Variants in KCNIP4 observed in about 807,000 individuals in gnomAD.
KCNIP4 encodes Kv channel-interacting protein 4.
A neutral mutation model predicts 34.0 loss-of-function variants in KCNIP4; 12 were observed. That is an observed-to-expected ratio of 0.35 (90% CI 0.23 to 0.57). KCNIP4 has a LOEUF of 0.57. Among genes scored for constraint, KCNIP4 ranks in the 20% least tolerant of loss-of-function variants. The pLI is 0.83. For synonymous variants in KCNIP4, 124 were observed against 102.2 expected (o/e 1.21, Z -1.29); for missense variants, 238 against 311.7 (o/e 0.76, Z 1.78).
At chr4:21,133,169 A>T (rs189043358) in intron 1 of KCNIP4, among the ~76,000 whole-genome samples, 87 of 152,350 alleles carry the variant, frequency 5.7e-4, no homozygotes, top group Admixed American at 9.1e-4. Flanking sequence ...GGATCACGTC[A>T]TTAAGACATT....
At chr4:21,117,071 G>A (rs752514567) in intron 1 of KCNIP4, among the ~76,000 whole-genome samples, 1 of 152,080 alleles carries the variant, frequency 6.6e-6, no homozygotes, top group Non-Finnish European at 1.5e-5. Context: ...AACCCCTTGA[G>A]GTAGTTGTTA....
At chr4:20,913,505 T>C (rs944678051) in intron 1 of KCNIP4, among the ~76,000 whole-genome samples, 2 of 152,218 alleles carry the variant, frequency 1.3e-5, no homozygotes, top group African/African-American at 4.8e-5. Context: ...ACCACTGGAT[T>C]GTATATTTTA....
intron 1 of KCNIP4, among the ~76,000 whole-genome samples, chr4:21,943,042 A>C (rs1382328069): frequency 1.3e-5 from 2 of 152,182 alleles, no homozygotes; most frequent in East Asian, 3.9e-4. Flanking sequence ...TACAAGTGTG[A>C]GCCACCATTC....
intron 1 of KCNIP4, among the ~76,000 whole-genome samples, chr4:21,545,563 A>T (rs34126804): frequency 0.36 from 54,038 of 151,524 alleles, 9,877 homozygotes; most frequent in South Asian, 0.52. Flanking sequence ...AGGCCCGGTG[A>T]GAGATATTCC....
At chr4:21,881,986 C>T (rs924507386) in intron 1 of KCNIP4, among the ~76,000 whole-genome samples, 4 of 152,130 alleles carry the variant, frequency 2.6e-5, no homozygotes, top group African/African-American at 9.7e-5. Context: ...TATTTCCACA[C>T]AAACTGGGAA....
At chr4:21,344,636 C>A (rs1438768871) in intron 1 of KCNIP4, among the ~76,000 whole-genome samples, 4 of 152,240 alleles carry the variant, frequency 2.6e-5, no homozygotes, top group Non-Finnish European at 5.9e-5. Flanking sequence ...TCCCAGCTGA[C>A]CTGGCATATT....
At chr4:21,874,204 G>T (rs915371346) in intron 1 of KCNIP4, among the ~76,000 whole-genome samples, 1 of 152,220 alleles carries the variant, frequency 6.6e-6, no homozygotes, top group Non-Finnish European at 1.5e-5. Context: ...TCTAAAGCAG[G>T]AATTATTTAT....
chr4:21,220,663 T>TTC (rs1757926318), intron 1 of KCNIP4, among the ~76,000 whole-genome samples: 1 of 152,114 alleles, frequency 6.6e-6, no homozygotes, highest in African/African-American at 2.4e-5. Context: ...AGGCTGAGCC[T>TTC]AGAATTCCCA....
At chr4:20,805,017 G>A (rs1384397777) in intron 3 of KCNIP4, among the ~76,000 whole-genome samples, 4 of 152,036 alleles carry the variant, frequency 2.6e-5, no homozygotes, top group Admixed American at 1.3e-4. Flanking sequence ...GAAGGGTTCT[G>A]ATTGGTCTGA....
intron 1 of KCNIP4, among the ~76,000 whole-genome samples, chr4:21,260,263 C>T (rs374566636): frequency 9.2e-5 from 14 of 152,054 alleles, no homozygotes; most frequent in Non-Finnish European, 1.8e-4. Flanking sequence ...CAATGAATTA[C>T]GGGCAAAAGC....
intron 1 of KCNIP4, among the ~76,000 whole-genome samples, chr4:21,363,143 C>A (rs938109112): frequency 6.6e-6 from 1 of 152,152 alleles, no homozygotes; most frequent in Non-Finnish European, 1.5e-5. Flanking sequence ...CATACAGTAG[C>A]TACTGAAGTT....
intron 1 of KCNIP4, among the ~76,000 whole-genome samples, chr4:21,913,653 C>T (rs1728467282): frequency 6.6e-6 from 1 of 152,112 alleles, no homozygotes. Context: ...AAGCAAAATC[C>T]TTGCTATGAC....
intron 1 of KCNIP4, among the ~76,000 whole-genome samples, chr4:21,223,431 T>C (rs1295209795): frequency 6.6e-6 from 1 of 152,224 alleles, no homozygotes; most frequent in Non-Finnish European, 1.5e-5. Flanking sequence ...TAAGGCACTA[T>C]GCATGTGGTC....
intron 1 of KCNIP4, among the ~76,000 whole-genome samples, chr4:21,724,814 G>A (rs1042760337): frequency 6.6e-6 from 1 of 152,080 alleles, no homozygotes; most frequent in African/African-American, 2.4e-5. Context: ...GAAAGAGACA[G>A]CTTGCAGGGC....
At chr4:21,069,702 A>G (rs1744721586) in intron 1 of KCNIP4, among the ~76,000 whole-genome samples, 1 of 152,198 alleles carries the variant, frequency 6.6e-6, no homozygotes, top group Non-Finnish European at 1.5e-5. Flanking sequence ...AAAAATAGAA[A>G]TTTGGATGTA....
chr4:21,820,281 G>GTTTA (rs1485869715), intron 1 of KCNIP4, among the ~76,000 whole-genome samples: 68 of 17,910 alleles, frequency 3.8e-3, no homozygotes, highest in African/African-American at 0.011. Flanking sequence ...GTATGTGTGT[G>GTTTA]TGTGTATATA....
intron 1 of KCNIP4, among the ~76,000 whole-genome samples, chr4:21,037,627 T>C (rs1741565798): frequency 6.6e-6 from 1 of 152,236 alleles, no homozygotes; most frequent in African/African-American, 2.4e-5. Context: ...GTATTCTCAT[T>C]ATTAAGTGAG....
intron 1 of KCNIP4, among the ~76,000 whole-genome samples, chr4:21,342,796 CCT>C (rs1553864620): frequency 6.6e-6 from 1 of 151,374 alleles, no homozygotes; most frequent in Non-Finnish European, 1.5e-5. Context: ...CTTTTTTTTT[CCT>C]CTCTGTGAAA....
intron 1 of KCNIP4, among the ~76,000 whole-genome samples, chr4:21,492,975 G>T (rs1732537104): frequency 6.6e-6 from 1 of 152,158 alleles, no homozygotes; most frequent in Non-Finnish European, 1.5e-5. Context: ...TTGCTCTGCT[G>T]CTTCAGATTC....
Sources: gnomAD v4.1 joint callset for allele counts (sites outside exome capture counted in the v4.1 genomes callset) on GRCh38, gnomAD v4.1.1 for gene constraint, MANE v1.5 for transcripts, NCBI Gene and HGNC (gene_info 2026-07-23, HGNC 2026-07-21) for gene names.